DEDD2: variants seen among roughly 807,000 people sequenced by gnomAD.
The protein encoded by DEDD2 is DNA-binding death effector domain-containing protein 2.
A neutral mutation model predicts 28.9 loss-of-function variants in DEDD2; 18 were observed. The ratio of observed to expected loss-of-function variants is 0.62; its 90% CI spans 0.43 to 0.92. The LOEUF is 0.92. Ranked by LOEUF, DEDD2 falls within the 40% of genes least tolerant of loss-of-function variation. The pLI, the probability that DEDD2 is intolerant of heterozygous loss-of-function variation, is 0.00. For synonymous variants in DEDD2, 211 were observed against 206.1 expected, an observed-to-expected ratio of 1.02 and a Z score of -0.20; for missense variants, 411 against 463.3, an observed-to-expected ratio of 0.89 and a Z score of 1.04.
chr19:42,215,297 C>T (rs1367355166), intron 2 of DEDD2, 45 bp from the exon 3 acceptor site: 1 of 1,605,648 alleles, frequency 6.2e-7, no homozygotes, highest in Non-Finnish European at 8.5e-7. Flanking sequence ...CCTCCTGGCC[C>T]TAATTCCCAC....
chr19:42,199,293 G>C lies in DEDD2; in HGVS notation c.*145C>G. The C allele has an allele frequency of 1.0e-5, 12 of 1,204,974 alleles. No homozygotes were observed. The highest frequency in any genetic ancestry group is 1.1e-5 in the Non-Finnish European group (10 of 891,524). 74.6% of individuals were successfully genotyped at this position (1,204,974 alleles called of 1,614,324 possible). A position where few individuals can be genotyped will look rare whatever the true frequency, so the allele number is the denominator to read the frequency against. On this transcript the variant is annotated 3_prime_UTR_variant, in exon 5 of 5. Transcript: ENST00000596251. The surrounding 1 kb of genome is among the most constrained non-coding windows in gnomAD (Gnocchi z 7.4). ...CCTCAGAGCCCACATCCTGTGGGAG[G>C]GGCTGTCAAGGGGCCTGCTGTCCCG...
chr19:42,204,043 G>A (rs2035434586), intron 4 of DEDD2, among the ~76,000 whole-genome samples: 1 of 152,318 alleles, frequency 6.6e-6, no homozygotes, highest in South Asian at 2.1e-4. Flanking sequence ...GAGGAGAGCT[G>A]CTCCTGCTTC....
rs765983485 is a variant in DEDD2 at position 42,209,833 on chromosome 19, G to A, written c.456C>T (p.Pro152=). The change falls in exon 4 of 5, where the codon CCC becomes CCT. Residue 152 remains proline (P), a synonymous_variant. Coordinates refer to ENST00000596251, the MANE Select transcript of DEDD2 (RefSeq NM_133328.4). ...SQQGQWETGS[P]PTKRQRRSRG... ...GACTCCGCCGCTGCCGCTTGGTTGG[G>A]GGGGAGCCTGAGGGGAAAAAAATGG... The A allele has an allele frequency of 4.6e-6, 7 of 1,534,428 alleles. No homozygotes were observed. Among genetic ancestry groups the A allele is most frequent in the South Asian group, 1.2e-5 (1 of 82,242 alleles).
chr19:42,202,233 C>T (rs772510268), intron 4 of DEDD2, among the ~76,000 whole-genome samples: 3 of 152,304 alleles, frequency 2.0e-5, no homozygotes, highest in African/African-American at 7.2e-5. Flanking sequence ...ATGGCCCTCA[C>T]CCAGGCCTTC....
intron 1 of DEDD2, 102 bp from the exon 2 acceptor site, chr19:42,217,147 C>A: frequency 1.2e-6 from 1 of 865,938 alleles, no homozygotes. Context: ...CGGGCAGGGC[C>A]GCTCCCGCAC....
chr19:42,219,925 G>C (rs2036100188), upstream of DEDD2: 1 of 152,238 alleles, frequency 6.6e-6, no homozygotes, highest in South Asian at 2.1e-4. Context: ...CTTCACACCA[G>C]TAAAACAGAG....
At chr19:42,207,322 C>T (rs1057045018) in intron 4 of DEDD2, among the ~76,000 whole-genome samples, 23 of 152,148 alleles carry the variant, frequency 1.5e-4, no homozygotes, top group African/African-American at 4.1e-4. Context: ...GGCAGGTGCG[C>T]GTGCTTTGTG....
intron 4 of DEDD2, among the ~76,000 whole-genome samples, chr19:42,207,534 C>T (rs1270222409): frequency 2.6e-5 from 4 of 151,954 alleles, no homozygotes; most frequent in Non-Finnish European, 5.9e-5. Context: ...TGCAGGGGCT[C>T]GGCACCACCC....
chr19:42,203,382 G>A (rs191198796), intron 4 of DEDD2, among the ~76,000 whole-genome samples: 222 of 152,264 alleles, frequency 1.5e-3, no homozygotes, highest in Non-Finnish European at 1.3e-3. Flanking sequence ...AAACAGGAGA[G>A]AAAAAAAGAA....
chr19:42,217,743 C>G (rs2036045127), upstream of DEDD2: 1 of 152,498 alleles, frequency 6.6e-6, no homozygotes. Flanking sequence ...CCTCCTTCCC[C>G]CAACTCGCGC....
intron 4 of DEDD2, among the ~76,000 whole-genome samples, chr19:42,203,648 G>A (rs745326580): frequency 1.5e-4 from 23 of 152,176 alleles, no homozygotes; most frequent in African/African-American, 4.8e-4. Flanking sequence ...CCTAACATCC[G>A]CCCATGTGGG....
upstream of DEDD2, among the ~76,000 whole-genome samples, chr19:42,219,163 G>A (rs988656866): frequency 1.3e-5 from 2 of 152,124 alleles, no homozygotes; most frequent in East Asian, 1.9e-4. Context: ...AATTAGCCGG[G>A]CGTGCTGACG....
chr19:42,200,960 C>CT (rs1347358928), intron 4 of DEDD2, among the ~76,000 whole-genome samples: 1 of 152,196 alleles, frequency 6.6e-6, no homozygotes, highest in African/African-American at 2.4e-5. Context: ...ACAGTACCCC[C>CT]TCTCTCTACA....
chr19:42,216,628 G>A, intron 2 of DEDD2, 52 bp downstream of exon 2: 1 of 1,481,302 alleles, frequency 6.8e-7, no homozygotes, highest in Admixed American at 2.6e-5. Flanking sequence ...GGCCCAGCGG[G>A]AGCCAGGCCC....
chr19:42,214,074 T>C (rs117833917), intron 3 of DEDD2, among the ~76,000 whole-genome samples: 3,348 of 152,282 alleles, frequency 0.022, 54 homozygotes, highest in Middle Eastern at 0.054. Flanking sequence ...AAAGCAAAAG[T>C]AGCAAAATCT....
At chr19:42,207,369 C>G (rs1049894450) in intron 4 of DEDD2, among the ~76,000 whole-genome samples, 1 of 152,080 alleles carries the variant, frequency 6.6e-6, no homozygotes, top group East Asian at 1.9e-4. Flanking sequence ...GAAGGAAGCA[C>G]CCCCAGGCCA....
intron 1 of DEDD2, among the ~76,000 whole-genome samples, chr19:42,217,342 T>A (rs2036023177): frequency 6.6e-6 from 1 of 151,524 alleles, no homozygotes; most frequent in African/African-American, 2.4e-5. Context: ...ACCCCGGGGC[T>A]CCCTGCTGAC....
intron 1 of DEDD2, 71 bp from the exon 2 acceptor site, chr19:42,217,116 G>C (rs1219959438): frequency 1.6e-6 from 2 of 1,216,570 alleles, no homozygotes; most frequent in Admixed American, 2.2e-5. Flanking sequence ...CCGCCAGCGC[G>C]TCTCCCCCGC....
At chr19:42,210,750 T>TA (rs2146887885) in intron 3 of DEDD2, among the ~76,000 whole-genome samples, 1 of 152,044 alleles carries the variant, frequency 6.6e-6, no homozygotes, top group South Asian at 2.1e-4. Context: ...CTTAAAAAGT[T>TA]AAAATGAAAT....
Sources: allele counts gnomAD v4.1 joint callset (sites outside exome capture counted in the v4.1 genomes callset), GRCh38; gene constraint gnomAD v4.1.1; non-coding constraint Gnocchi (gnomAD v3.1); transcripts MANE v1.5; gene names NCBI Gene and HGNC (gene_info 2026-07-23, HGNC 2026-07-21).